ZC3H3: variants seen among roughly 807,000 people sequenced by gnomAD.
The protein encoded by ZC3H3 is zinc finger CCCH-type containing 3, also known as zinc finger CCCH domain-containing protein 3.
In ZC3H3, 36 loss-of-function variants were observed where a neutral mutation model predicts 77.3. That is an observed-to-expected ratio of 0.47 (90% CI 0.36 to 0.61). The LOEUF (loss-of-function observed/expected upper bound fraction) is 0.61. Among genes scored for constraint, ZC3H3 ranks in the 20% least tolerant of loss-of-function variants. The pLI is 0.00. For synonymous variants in ZC3H3, 626 were observed against 555.2 expected (o/e 1.13, Z -1.79); for missense variants, 1,331 against 1,312.2 (o/e 1.01, Z -0.22).
Position 143,538,981 on chromosome 8 carries a change from G to C in ZC3H3, c.386C>G (p.Pro129Arg). ...ACTGGCAGAGCCAGACTTTGATGGC[G>C]GTTTAACTTTGATGACCACGTTCTG... Reference protein sequence around the residue: ...QGQNVVIKVKPPSKSGSASAS... With the variant: ...QGQNVVIKVKRPSKSGSASAS... Residue 129 changes from proline (P) to arginine (R), a missense_variant, in exon 2 of 12, where the codon CCG becomes CGG. Pro to Arg is a moderately radical substitution (Grantham distance 103). Transcript: ENST00000262577. The C allele has an allele frequency of 6.2e-7, 1 of 1,613,074 alleles. No homozygotes were observed. Among genetic ancestry groups the C allele is most frequent in the Non-Finnish European group, 8.5e-7 (1 of 1,180,034 alleles).
intron 4 of ZC3H3, among the ~76,000 whole-genome samples, chr8:143,498,732 C>G (rs189928772): frequency 1.5e-5 from 2 of 129,594 alleles, no homozygotes; most frequent in Non-Finnish European, 3.3e-5. Flanking sequence ...GGCGGAGGGG[C>G]ACAGGGCGGG....
At chr8:143,439,186 G>A (rs916497100) in intron 11 of ZC3H3, among the ~76,000 whole-genome samples, 2 of 152,124 alleles carry the variant, frequency 1.3e-5, no homozygotes, top group Non-Finnish European at 2.9e-5. Context: ...CAGATGGAGG[G>A]AGCGGGTGCC....
chr8:143,468,074 A>G, intron 8 of ZC3H3, 135 bp downstream of exon 8: 1 of 1,093,836 alleles, frequency 9.1e-7, no homozygotes, highest in South Asian at 1.5e-5. Flanking sequence ...GGTACAGCAG[A>G]CTCTAAGGAC....
At chr8:143,492,101 G>A (rs1017422752) in intron 4 of ZC3H3, among the ~76,000 whole-genome samples, 1 of 152,228 alleles carries the variant, frequency 6.6e-6, no homozygotes, top group African/African-American at 2.4e-5. Flanking sequence ...GAATGGAGAG[G>A]AGAAACAAGA....
chr8:143,527,707 A>G (rs1822464192), intron 3 of ZC3H3, among the ~76,000 whole-genome samples: 1 of 152,178 alleles, frequency 6.6e-6, no homozygotes, highest in African/African-American at 2.4e-5. Context: ...AAAATTGAAC[A>G]GCCCAGCTGC....
At chr8:143,514,829 C>G (rs538441760) in intron 3 of ZC3H3, among the ~76,000 whole-genome samples, 22 of 152,166 alleles carry the variant, frequency 1.4e-4, no homozygotes, top group Non-Finnish European at 2.9e-4. Context: ...GGCCACTCTC[C>G]GAGGCAGGAC....
chr8:143,540,184 A>G (rs1822963720), intron 1 of ZC3H3, among the ~76,000 whole-genome samples: 1 of 151,890 alleles, frequency 6.6e-6, no homozygotes, highest in African/African-American at 2.4e-5. Flanking sequence ...CCTTTGTGAG[A>G]GTAAAAGCAA....
chr8:143,532,832 G>A (rs1822661461), intron 3 of ZC3H3, among the ~76,000 whole-genome samples: 1 of 152,192 alleles, frequency 6.6e-6, no homozygotes, highest in Non-Finnish European at 1.5e-5. Flanking sequence ...CTCCTCAGCA[G>A]ACGCCCTGGC....
chr8:143,467,918 G>A (rs1348157103), intron 8 of ZC3H3, among the ~76,000 whole-genome samples: 1 of 152,206 alleles, frequency 6.6e-6, no homozygotes, highest in Non-Finnish European at 1.5e-5. Flanking sequence ...CTAGGCATGT[G>A]TAAGGGGGGC....
chr8:143,481,253 C>A (rs1820899637), intron 4 of ZC3H3, among the ~76,000 whole-genome samples: 1 of 152,222 alleles, frequency 6.6e-6, no homozygotes, highest in African/African-American at 2.4e-5. Context: ...AAGGCCAACA[C>A]AGACCACAGT....
intron 9 of ZC3H3, among the ~76,000 whole-genome samples, chr8:143,459,657 A>C (rs1820206590): frequency 6.6e-6 from 1 of 152,184 alleles, no homozygotes; most frequent in Admixed American, 6.5e-5. Context: ...ACTGTGATTC[A>C]ATGTGGTCAG....
chr8:143,467,529 A>G (rs1273519211), intron 8 of ZC3H3, among the ~76,000 whole-genome samples: 14 of 152,224 alleles, frequency 9.2e-5, no homozygotes. Context: ...CTGTTGCGGC[A>G]GCAGCACCCC....
chr8:143,532,332 G>C (rs918831454), intron 3 of ZC3H3, among the ~76,000 whole-genome samples: 1 of 152,258 alleles, frequency 6.6e-6, no homozygotes, highest in Non-Finnish European at 1.5e-5. Context: ...GGAGGGAGGC[G>C]GCAGCAGGGC....
intron 4 of ZC3H3, among the ~76,000 whole-genome samples, chr8:143,498,061 G>C (rs966003355): frequency 1.4e-4 from 21 of 152,246 alleles, no homozygotes; most frequent in African/African-American, 2.7e-4. Flanking sequence ...GTGAGCGAAT[G>C]CAAGTGAAGG....
chr8:143,512,214 T>TGGCTGTG (rs903832355), intron 3 of ZC3H3, among the ~76,000 whole-genome samples: 2 of 152,216 alleles, frequency 1.3e-5, no homozygotes, highest in African/African-American at 2.4e-5. Context: ...GGGTGACGGA[T>TGGCTGTG]GGCTGTGGGC....
chr8:143,541,258 C>A, intron 1 of ZC3H3, 118 bp downstream of exon 1: 1 of 1,546,700 alleles, frequency 6.5e-7, no homozygotes, highest in Non-Finnish European at 8.7e-7. Flanking sequence ...GTCCCCCACC[C>A]CAGCCGCCAC....
chr8:143,521,870 C>T (rs1474307326), intron 3 of ZC3H3, among the ~76,000 whole-genome samples: 1 of 152,224 alleles, frequency 6.6e-6, no homozygotes, highest in African/African-American at 2.4e-5. Flanking sequence ...AACAATGCAG[C>T]CCCAGCCTCT....
intron 4 of ZC3H3, among the ~76,000 whole-genome samples, chr8:143,481,687 G>A (rs1275396450): frequency 3.9e-5 from 6 of 152,218 alleles, no homozygotes; most frequent in Admixed American, 1.3e-4. Flanking sequence ...TCGTGTTGTC[G>A]CTCTGCACCT....
At chr8:143,482,133 C>A (rs952974368) in intron 4 of ZC3H3, among the ~76,000 whole-genome samples, 1 of 152,260 alleles carries the variant, frequency 6.6e-6, no homozygotes, top group Non-Finnish European at 1.5e-5. Context: ...CCACAGCCCC[C>A]ATGCAGCCTC....
Sources: gnomAD v4.1 joint callset for allele counts (sites outside exome capture counted in the v4.1 genomes callset) on GRCh38, gnomAD v4.1.1 for gene constraint, MANE v1.5 for transcripts, NCBI Gene and HGNC (gene_info 2026-07-23, HGNC 2026-07-21) for gene names.